Variants in PLEKHA5 observed in about 807,000 individuals in gnomAD.
PLEKHA5 encodes pleckstrin homology domain-containing family A member 5.
PLEKHA5 carries 55 observed loss-of-function variants against 181.9 expected under a neutral mutation model. The ratio of observed to expected loss-of-function variants is 0.30; its 90% CI spans 0.24 to 0.38. The LOEUF (loss-of-function observed/expected upper bound fraction) is 0.38. PLEKHA5 is among the 10% of genes least tolerant of loss of function. The pLI is 1.00. For missense variants in PLEKHA5, 1,432 were observed against 1,549.5 expected, an observed-to-expected ratio of 0.92 and a Z score of 1.27; for synonymous variants, 535 against 529.4, an observed-to-expected ratio of 1.01 and a Z score of -0.15.
At chr12:19,241,162 A>C (rs1312285362) in intron 3 of PLEKHA5, among the ~76,000 whole-genome samples, 2 of 152,220 alleles carry the variant, frequency 1.3e-5, no homozygotes, top group East Asian at 1.9e-4. Context: ...AAGAAATCTG[A>C]TTCTACTAAC....
intron 20 of PLEKHA5, among the ~76,000 whole-genome samples, chr12:19,335,958 A>G (rs796175659): frequency 4.4e-4 from 67 of 152,226 alleles, no homozygotes; most frequent in African/African-American, 1.5e-3. Context: ...GCACCTCTAG[A>G]ATTATTCTAT....
intron 10 of PLEKHA5, among the ~76,000 whole-genome samples, chr12:19,273,457 T>C (rs892176312): frequency 3.3e-5 from 5 of 152,168 alleles, no homozygotes; most frequent in African/African-American, 1.2e-4. Flanking sequence ...ATCTACATCC[T>C]TTCCACACGT....
intron 3 of PLEKHA5, among the ~76,000 whole-genome samples, chr12:19,137,830 G>C (rs1036382857): frequency 2.6e-5 from 4 of 152,178 alleles, no homozygotes; most frequent in Non-Finnish European, 5.9e-5. Context: ...CATCTAGTCA[G>C]CCTCTAAAGA....
intron 22 of PLEKHA5, among the ~76,000 whole-genome samples, chr12:19,344,463 A>G (rs2094172732): frequency 6.6e-6 from 1 of 152,216 alleles, no homozygotes; most frequent in Non-Finnish European, 1.5e-5. Flanking sequence ...GGGAACTGTA[A>G]TATATTTATC....
chr12:19,285,372 A>G (rs1452803344), intron 12 of PLEKHA5, among the ~76,000 whole-genome samples: 1 of 152,160 alleles, frequency 6.6e-6, no homozygotes, highest in Non-Finnish European at 1.5e-5. Context: ...TATATTCTCT[A>G]TCCAATTCTC....
At position 19,262,056 on chromosome 12, in the gene PLEKHA5, A is replaced by G. The variant is rs145727184; in HGVS notation, c.610+1035A>G. On this transcript the variant is annotated intron_variant, in intron 7 of 31. Transcript: ENST00000429027. ...AGTTAAATGCTAAGCTTACTCTACAATTTTTCTTAGGGGTTTTCTCACTCT... is the reference window on the plus strand; with the variant it reads ...AGTTAAATGCTAAGCTTACTCTACAGTTTTTCTTAGGGGTTTTCTCACTCT... Among the ~76,000 whole-genome samples the G allele has an allele frequency of 2.5e-3, 384 of 151,772 alleles. 6 individuals are homozygous for G. In the South Asian group the frequency reaches 0.031, roughly 12 times the overall value.
At chr12:19,252,874 C>T (rs2065719724) in intron 3 of PLEKHA5, among the ~76,000 whole-genome samples, 1 of 151,684 alleles carries the variant, frequency 6.6e-6, no homozygotes, top group South Asian at 2.1e-4. Flanking sequence ...TATAGTAGTA[C>T]TGTTAGGTTT....
intron 21 of PLEKHA5, among the ~76,000 whole-genome samples, chr12:19,338,505 G>A (rs868549719): frequency 6.6e-6 from 1 of 152,050 alleles, no homozygotes; most frequent in African/African-American, 2.4e-5. Flanking sequence ...TACTTGGAAG[G>A]CTGAGGCAGG....
intron 15 of PLEKHA5, chr12:19,306,480 T>C (rs1394551406): frequency 1.5e-6 from 1 of 678,332 alleles, no homozygotes; most frequent in Admixed American, 1.9e-5. Flanking sequence ...AACCGGTTCC[T>C]CTTCCCCCTC....
At chr12:19,318,028 CT>C (rs909639416) in intron 16 of PLEKHA5, among the ~76,000 whole-genome samples, 1 of 123,180 alleles carries the variant, frequency 8.1e-6, no homozygotes, top group Non-Finnish European at 1.6e-5. Flanking sequence ...ATTTACTTTT[CT>C]TTTTTTTCGG....
chr12:19,237,441 G>T (rs2152424972), intron 3 of PLEKHA5, among the ~76,000 whole-genome samples: 1 of 152,148 alleles, frequency 6.6e-6, no homozygotes, highest in South Asian at 2.1e-4. Context: ...GACCTCCAAA[G>T]ATAATTAGAT....
chr12:19,205,726 C>A (rs184126909), intron 3 of PLEKHA5, among the ~76,000 whole-genome samples: 2 of 151,864 alleles, frequency 1.3e-5, no homozygotes, highest in East Asian at 3.9e-4. Context: ...ATAATGCTGG[C>A]GGAATTATGT....
At chr12:19,184,927 T>A (rs2049470628) in intron 3 of PLEKHA5, among the ~76,000 whole-genome samples, 1 of 152,200 alleles carries the variant, frequency 6.6e-6, no homozygotes, top group African/African-American at 2.4e-5. Context: ...AAAACAGTAC[T>A]TCAAGAAGTG....
At chr12:19,229,889 C>T (rs1907658) in intron 3 of PLEKHA5, among the ~76,000 whole-genome samples, 83,362 of 152,002 alleles carry the variant, frequency 0.55, 26,833 homozygotes, top group Non-Finnish European at 0.74. Context: ...TCTAAGTCCC[C>T]ACAGGGCACT....
chr12:19,254,912 G>T (rs1350768995), intron 4 of PLEKHA5, 133 bp from the exon 5 acceptor site: 1 of 660,704 alleles, frequency 1.5e-6, no homozygotes, highest in Non-Finnish European at 2.5e-6. Flanking sequence ...AAGTATTAAG[G>T]CCTGACTCTA....
rs561994243 is a variant in PLEKHA5, at chr12:19,359,419, G to A, written c.3356G>A (p.Arg1119Lys). 3.7e-6 allele frequency: 6 copies of A among 1,613,254 alleles called. No homozygotes were observed. Among genetic ancestry groups the A allele is most frequent in the East Asian group, 4.5e-5 (2 of 44,860 alleles). ...TATATGTCTTTTGAGCAGACTCGAA[G>A]GAGGGATGATAAGGAACTGGACACT... is the stretch of plus-strand genomic sequence containing the variant. ...DNPFRTTQTR[R>K]RDDKELDTAI... The change falls in exon 28 of 32, where the codon AGG (arginine) becomes AAG (lysine). Residue 1119 changes from arginine to lysine, a missense_variant. Arg to Lys is a conservative substitution (Grantham distance 26). Coordinates refer to ENST00000429027, the MANE Select transcript of PLEKHA5 (RefSeq NM_001256470.2).
At chr12:19,247,787 C>G (rs897486864) in intron 3 of PLEKHA5, among the ~76,000 whole-genome samples, 1 of 151,080 alleles carries the variant, frequency 6.6e-6, no homozygotes, top group Non-Finnish European at 1.5e-5. Flanking sequence ...TGAGGGCATT[C>G]GTTCATTTTA....
chr12:19,176,740 T>A (rs1238065489), intron 3 of PLEKHA5, among the ~76,000 whole-genome samples: 3 of 152,194 alleles, frequency 2.0e-5, no homozygotes, highest in Admixed American at 6.5e-5. Flanking sequence ...GCATTTTTTT[T>A]AACTTTCTGT....
chr12:19,268,509 G>A (rs2071357987), intron 8 of PLEKHA5, among the ~76,000 whole-genome samples: 2 of 152,132 alleles, frequency 1.3e-5, no homozygotes, highest in African/African-American at 4.8e-5. Flanking sequence ...CTGTGATGTT[G>A]TTTCCTCTGA....
Sources: allele counts gnomAD v4.1 joint callset (sites outside exome capture counted in the v4.1 genomes callset), GRCh38; gene constraint gnomAD v4.1.1; transcripts MANE v1.5; gene names NCBI Gene and HGNC (gene_info 2026-07-23, HGNC 2026-07-21).